The following MACROD2 variants were observed in gnomAD, a reference collection of about 807,000 sequenced individuals.
MACROD2 encodes the protein mono-ADP ribosylhydrolase 2.
Under a neutral mutation model 70.4 loss-of-function variants are expected in MACROD2, and 36 were observed. That is an observed-to-expected ratio of 0.51 (90% CI 0.39 to 0.68). The LOEUF (loss-of-function observed/expected upper bound fraction) is 0.68, where lower values mean the gene tolerates loss of function less well. MACROD2 is among the 30% of genes least tolerant of loss of function. The probability of loss-of-function intolerance (pLI) is 0.00; values close to 1 mark genes in which losing one functional copy is unlikely to be tolerated. For missense variants in MACROD2, 496 were observed against 538.4 expected (o/e 0.92, Z 0.78); for synonymous variants, 172 against 178.8 (o/e 0.96, Z 0.30).
chr20:15,406,952 A>G lies in MACROD2; in HGVS notation c.541-24453A>G, dbSNP rs138638422. ...GGTTGGCACAAAGACCCTTGGAGAA[A>G]GATTGAGCAAGGCTGTTCCCCTTAG... is the stretch of plus-strand genomic sequence containing the variant. On this transcript the variant is annotated intron_variant, in intron 6 of 17. Coordinates refer to ENST00000684519, the MANE Select transcript of MACROD2 (RefSeq NM_001351661.2). Among the ~76,000 whole-genome samples the G allele has an allele frequency of 4.2e-3, 635 of 152,290 alleles. 4 individuals carry two copies. Among genetic ancestry groups the G allele is most frequent in the African/African-American group, 0.015 (603 of 41,562 alleles).
intron 5 of MACROD2, among the ~76,000 whole-genome samples, chr20:15,036,308 T>C (rs2075312648): frequency 6.6e-6 from 1 of 152,176 alleles, no homozygotes; most frequent in Non-Finnish European, 1.5e-5. Context: ...TAATCCATAA[T>C]TGCAGTACAT....
chr20:14,449,286 T>C (rs2122980499), intron 3 of MACROD2, among the ~76,000 whole-genome samples: 1 of 152,256 alleles, frequency 6.6e-6, no homozygotes, highest in Admixed American at 6.5e-5. Flanking sequence ...TTACTTGGCA[T>C]TGTTTTCAAG....
chr20:15,462,589 A>G (rs1212194190), intron 7 of MACROD2, among the ~76,000 whole-genome samples: 1 of 152,240 alleles, frequency 6.6e-6, no homozygotes, highest in Non-Finnish European at 1.5e-5. Flanking sequence ...AGGCAAATAG[A>G]TATTACAGCT....
chr20:14,323,910 C>G (rs776808624), intron 3 of MACROD2: 3 of 152,154 alleles, frequency 2.0e-5, no homozygotes, highest in Non-Finnish European at 4.4e-5. Context: ...AATTTTCCAT[C>G]TATACAGTGT....
intron 4 of MACROD2, among the ~76,000 whole-genome samples, chr20:14,494,620 A>G (rs2084833624): frequency 6.6e-6 from 1 of 152,172 alleles, no homozygotes. Context: ...CCTCATCTTT[A>G]AAGTATGAGG....
intron 5 of MACROD2, among the ~76,000 whole-genome samples, chr20:15,092,548 A>G (rs2075800342): frequency 6.6e-6 from 1 of 151,576 alleles, no homozygotes; most frequent in East Asian, 1.9e-4. Context: ...AAATGCTTAC[A>G]AAATATACTA....
At chr20:14,843,163 CTTTTTTT>C (rs11389584) in intron 5 of MACROD2, among the ~76,000 whole-genome samples, 5 of 119,266 alleles carry the variant, frequency 4.2e-5, no homozygotes, top group Non-Finnish European at 6.8e-5. Flanking sequence ...TGTTCATTAA[CTTTTTTT>C]TTTTTTTTTT....
intron 8 of MACROD2, among the ~76,000 whole-genome samples, chr20:15,593,619 T>C (rs2146673405): frequency 6.6e-6 from 1 of 152,350 alleles, no homozygotes; most frequent in Non-Finnish European, 1.5e-5. Flanking sequence ...GTGCAGACTT[T>C]GTTGGAATAA....
At chr20:15,140,271 G>A (rs563280206) in intron 5 of MACROD2, among the ~76,000 whole-genome samples, 3 of 152,194 alleles carry the variant, frequency 2.0e-5, no homozygotes, top group East Asian at 1.9e-4. Flanking sequence ...CCCTGAGTTC[G>A]TTATGATGGA....
intron 5 of MACROD2, among the ~76,000 whole-genome samples, chr20:15,165,640 G>A (rs1045480228): frequency 2.0e-4 from 30 of 152,216 alleles, no homozygotes; most frequent in African/African-American, 7.0e-4. Flanking sequence ...CTTATTATGC[G>A]CAGGCAATTT....
intron 8 of MACROD2, among the ~76,000 whole-genome samples, chr20:15,808,394 C>A (rs1462376589): frequency 1.3e-5 from 2 of 152,090 alleles, no homozygotes; most frequent in Non-Finnish European, 2.9e-5. Flanking sequence ...TGCCCATAAA[C>A]CCATATAATT....
intron 6 of MACROD2, among the ~76,000 whole-genome samples, chr20:15,415,693 C>A (rs1600379872): frequency 6.6e-6 from 1 of 152,168 alleles, no homozygotes; most frequent in Non-Finnish European, 1.5e-5. Flanking sequence ...GAACTAGTGG[C>A]GGCTAAAAGT....
intron 2 of MACROD2, among the ~76,000 whole-genome samples, chr20:14,058,005 A>C (rs1284365009): frequency 6.6e-6 from 1 of 152,194 alleles, no homozygotes; most frequent in African/African-American, 2.4e-5. Flanking sequence ...ATACAAAAGC[A>C]GGCAAAACTG....
intron 10 of MACROD2, among the ~76,000 whole-genome samples, chr20:15,899,720 A>C (rs1020609825): frequency 2.6e-5 from 4 of 152,208 alleles, no homozygotes; most frequent in Non-Finnish European, 5.9e-5. Flanking sequence ...TTTACATAGA[A>C]TATTCAGTAG....
intron 3 of MACROD2, among the ~76,000 whole-genome samples, chr20:14,488,368 G>A (rs914176771): frequency 6.6e-6 from 1 of 152,194 alleles, no homozygotes; most frequent in Non-Finnish European, 1.5e-5. Flanking sequence ...TTGATCTACA[G>A]TATAGTGTCA....
chr20:15,679,746 G>A (rs1157709030), intron 8 of MACROD2, among the ~76,000 whole-genome samples: 2 of 152,108 alleles, frequency 1.3e-5, no homozygotes, highest in African/African-American at 4.8e-5. Flanking sequence ...TCCATCCATT[G>A]GAGGAAAATT....
chr20:14,954,885 T>TATATA (rs1555855495), intron 5 of MACROD2, among the ~76,000 whole-genome samples: 1,682 of 80,192 alleles, frequency 0.021, 51 homozygotes, highest in African/African-American at 0.079. Context: ...ATTATTTAAT[T>TATATA]ATATATTATA....
chr20:15,993,205 T>C (rs1358126200), intron 15 of MACROD2, among the ~76,000 whole-genome samples: 1 of 150,606 alleles, frequency 6.6e-6, no homozygotes, highest in African/African-American at 2.4e-5. Context: ...ATTAAGATGT[T>C]AAAACTGGTT....
intron 3 of MACROD2, among the ~76,000 whole-genome samples, chr20:14,365,957 A>C (rs553169150): frequency 2.5e-4 from 38 of 152,262 alleles, no homozygotes; most frequent in African/African-American, 8.7e-4. Context: ...ATTGTGGTTG[A>C]GGAAGATACT....
Sources: allele counts gnomAD v4.1 joint callset (sites outside exome capture counted in the v4.1 genomes callset), GRCh38; gene constraint gnomAD v4.1.1; transcripts MANE v1.5; gene names NCBI Gene and HGNC (gene_info 2026-07-23, HGNC 2026-07-21).